The following PBRM1 variants were observed in gnomAD, a reference collection of about 807,000 sequenced individuals.
The protein encoded by PBRM1 is protein polybromo-1.
PBRM1 carries 27 observed loss-of-function variants against 194.5 expected under a neutral mutation model. That is an observed-to-expected ratio of 0.14 (90% CI 0.10 to 0.19). The LOEUF is 0.19. PBRM1 is among the 10% of genes least tolerant of loss of function. The pLI is 1.00. For synonymous variants in PBRM1, 655 were observed against 693.2 expected (o/e 0.94, Z 0.87); for missense variants, 1,466 against 2,077.2 (o/e 0.71, Z 5.72).
intron 17 of PBRM1, among the ~76,000 whole-genome samples, chr3:52,599,134 G>A (rs1368501825): frequency 2.6e-5 from 4 of 152,050 alleles, no homozygotes; most frequent in Non-Finnish European, 5.9e-5. Flanking sequence ...AGGGTGTAGT[G>A]AGCCATGATC....
At chr3:52,562,433 C>T (rs962388271) in intron 24 of PBRM1, among the ~76,000 whole-genome samples, 11 of 151,754 alleles carry the variant, frequency 7.2e-5, no homozygotes, top group African/African-American at 2.7e-4. Flanking sequence ...GGTCAAAACA[C>T]ACCTCTTCCT....
chr3:52,592,960 A>G (rs1346862937), intron 17 of PBRM1, among the ~76,000 whole-genome samples: 1 of 152,206 alleles, frequency 6.6e-6, no homozygotes, highest in Non-Finnish European at 1.5e-5. Context: ...TGTTCATAGT[A>G]GTATCTGCTA....
At chr3:52,550,815 C>T (rs143661199) in exon 28 of PBRM1, 4 of 1,604,290 alleles carry the variant, frequency 2.5e-6, no homozygotes, top group Non-Finnish European at 3.4e-6. Context: ...TGGTTCATCA[C>T]ACCTATAATT....
At chr3:52,605,165 G>A (rs1476887039) in intron 16 of PBRM1, among the ~76,000 whole-genome samples, 1 of 152,140 alleles carries the variant, frequency 6.6e-6, no homozygotes, top group East Asian at 1.9e-4. Context: ...GTGCAGTGGC[G>A]TGATCACAGC....
At chr3:52,650,784 A>G (rs1378977772) in intron 6 of PBRM1, among the ~76,000 whole-genome samples, 2 of 152,242 alleles carry the variant, frequency 1.3e-5, no homozygotes, top group East Asian at 1.9e-4. Context: ...CCAAAGTGAC[A>G]TAGCTGATTA....
intron 6 of PBRM1, among the ~76,000 whole-genome samples, chr3:52,651,465 C>T (rs1388294475): frequency 5.9e-5 from 9 of 152,088 alleles, no homozygotes; most frequent in African/African-American, 1.9e-4. Context: ...GCTATGCACC[C>T]ACAAAAATAA....
In PBRM1 at chr3:52,614,434, A is replaced by G. The variant is rs140923004; in HGVS notation, c.1924+917T>C. 3.9e-3 allele frequency among the ~76,000 whole-genome samples: 587 copies of G among 148,654 alleles called. 3 individuals are homozygous for G. Among genetic ancestry groups the G allele is most frequent in the South Asian group, 0.023 (107 of 4,710 alleles). ...TAGTCTGTCTGTTTTCCCCCTTTTC[A>G]GCAAACATGGCTCCAATGAGTATCA... is the stretch of plus-strand genomic sequence containing the variant. On this transcript the variant is annotated intron_variant, in intron 15 of 29. Coordinates refer to ENST00000296302, the Ensembl canonical transcript of PBRM1.
chr3:52,582,868 C>T (rs956195308), intron 20 of PBRM1, among the ~76,000 whole-genome samples: 6 of 151,758 alleles, frequency 4.0e-5, no homozygotes, highest in East Asian at 1.9e-4. Flanking sequence ...GAGGCCGAGG[C>T]GGGCGGATCA....
At chr3:52,672,152 A>G (rs1162734610) in intron 2 of PBRM1, among the ~76,000 whole-genome samples, 1 of 152,170 alleles carries the variant, frequency 6.6e-6, no homozygotes, top group Non-Finnish European at 1.5e-5. Flanking sequence ...TGCCTTTTTC[A>G]GCTTCTAGAG....
In PBRM1 at chr3:52,548,429, A is replaced by AT. The variant is rs372814552; in HGVS notation, c.4898-195dup. ...TAGGCACTAAAAGATTTGATCATAA[A>AT]TTTTTTTTTTTTTTTGACATCGAGT... is the stretch of plus-strand genomic sequence containing the variant. On this transcript the variant is annotated intron_variant, in intron 29 of 29. Coordinates refer to ENST00000296302, the Ensembl canonical transcript of PBRM1. 0.033 allele frequency among the ~76,000 whole-genome samples: 4,801 copies of AT among 145,466 alleles called. 204 individuals are homozygous for AT. The highest frequency in any genetic ancestry group is 0.1 in the African/African-American group (3,960 of 39,798).
intron 16 of PBRM1, among the ~76,000 whole-genome samples, chr3:52,605,949 T>C (rs990196647): frequency 6.6e-5 from 10 of 151,712 alleles, no homozygotes; most frequent in African/African-American, 2.4e-4. Context: ...ATGCTAATAC[T>C]TGTAGGAAAG....
intron 17 of PBRM1, among the ~76,000 whole-genome samples, chr3:52,600,225 C>A (rs112471671): frequency 6.6e-6 from 1 of 152,272 alleles, no homozygotes; most frequent in African/African-American, 2.4e-5. Context: ...TCTTGATACA[C>A]TTGGAAAGTT....
chr3:52,684,928 A>T (rs138216597), intron 1 of PBRM1: 1 of 152,260 alleles, frequency 6.6e-6, no homozygotes, highest in Non-Finnish European at 1.5e-5. Context: ...TAAGTAATAA[A>T]GCAAAAATTA....
At chr3:52,612,215 G>A (rs998943859) in intron 15 of PBRM1, among the ~76,000 whole-genome samples, 2 of 132,114 alleles carry the variant, frequency 1.5e-5, no homozygotes, top group East Asian at 2.3e-4. Context: ...AGCCGAGATC[G>A]TGCCACTGAC....
chr3:52,652,883 A>G (rs552679097), intron 5 of PBRM1, among the ~76,000 whole-genome samples: 2 of 152,092 alleles, frequency 1.3e-5, no homozygotes, highest in Non-Finnish European at 2.9e-5. Flanking sequence ...CTGTAATCCC[A>G]GCTACTCAGG....
intron 10 of PBRM1, among the ~76,000 whole-genome samples, chr3:52,636,359 C>G (rs1033928300): frequency 5.3e-5 from 8 of 152,074 alleles, no homozygotes; most frequent in African/African-American, 1.9e-4. Context: ...GCTCATTTCC[C>G]CAAACTCCTA....
At chr3:52,551,716 G>A (rs2081027690) in intron 27 of PBRM1, 1 of 152,240 alleles carries the variant, frequency 6.6e-6, no homozygotes, top group Admixed American at 6.5e-5. Flanking sequence ...GTGGTGAACT[G>A]TTCTTGAAAA....
intron 24 of PBRM1, among the ~76,000 whole-genome samples, chr3:52,562,898 A>G (rs33964154): frequency 0.34 from 51,993 of 151,848 alleles, 9,910 homozygotes; most frequent in Admixed American, 0.46. Context: ...CAACCAAAAG[A>G]TGAGGTCCTA....
At chr3:52,554,869 A>T in exon 27 of PBRM1, 1 of 1,607,872 alleles carries the variant, frequency 6.2e-7, no homozygotes, top group Non-Finnish European at 8.5e-7. Flanking sequence ...GCGGATAGCC[A>T]CCCATCATGC....
Sources: allele counts gnomAD v4.1 joint callset (sites outside exome capture counted in the v4.1 genomes callset), GRCh38; gene constraint gnomAD v4.1.1; transcripts MANE v1.5; gene names NCBI Gene and HGNC (gene_info 2026-07-23, HGNC 2026-07-21).